Variants in XPO6 observed in about 807,000 individuals in gnomAD.
The protein encoded by XPO6 is exportin-6.
In XPO6, 3 loss-of-function variants were observed where a neutral mutation model predicts 130.0. That is an observed-to-expected ratio of 0.02 (90% CI 0.01 to 0.06). The LOEUF (loss-of-function observed/expected upper bound fraction) is 0.06, where lower values mean the gene tolerates loss of function less well. XPO6 is among the 10% of genes least tolerant of loss of function. The pLI is 1.00. For synonymous variants in XPO6, 524 were observed against 548.9 expected (o/e 0.95, Z 0.63); for missense variants, 970 against 1,393.0 (o/e 0.70, Z 4.83).
intron 1 of XPO6, among the ~76,000 whole-genome samples, chr16:28,196,951 A>T (rs2043874191): frequency 6.6e-6 from 1 of 152,128 alleles, no homozygotes; most frequent in Non-Finnish European, 1.5e-5. Context: ...TCCCTTTACA[A>T]ATTACCCAGC....
intron 1 of XPO6, among the ~76,000 whole-genome samples, chr16:28,209,820 C>T (rs2044096302): frequency 6.6e-6 from 1 of 152,086 alleles, no homozygotes; most frequent in Non-Finnish European, 1.5e-5. Flanking sequence ...TGCCACAATT[C>T]ATACTGTGTA....
Position 28,102,887 on chromosome 16 carries a change from C to T in XPO6, c.2947-942G>A, listed in dbSNP as rs139311379. 2.0e-5 allele frequency among the ~76,000 whole-genome samples: 3 copies of T among 152,228 alleles called. No individual in the cohort carries two copies. In the East Asian group the frequency reaches 5.8e-4, roughly 29 times the overall value. On this transcript the variant is annotated intron_variant, in intron 21 of 23. Coordinates refer to ENST00000304658, the MANE Select transcript of XPO6 (RefSeq NM_015171.4). ...GCCGGTGGTCTGCAGGACCCCCCTA[C>T]AAAACAAGTGGTGACTGCTTTGTCA...
chr16:28,201,641 G>A (rs192361995), intron 1 of XPO6, among the ~76,000 whole-genome samples: 116 of 152,226 alleles, frequency 7.6e-4, no homozygotes, highest in Non-Finnish European at 1.4e-3. Context: ...TGGATCACGA[G>A]GTCAGGAGAT....
chr16:28,140,902 G>A (rs1185947751), intron 9 of XPO6, among the ~76,000 whole-genome samples: 1 of 152,020 alleles, frequency 6.6e-6, no homozygotes. Context: ...AAACACACAG[G>A]TGATAAACAG....
At chr16:28,152,615 A>G in intron 8 of XPO6, 44 bp downstream of exon 8, 1 of 1,585,606 alleles carries the variant, frequency 6.3e-7, no homozygotes, top group Non-Finnish European at 8.5e-7. Flanking sequence ...TAACAAGGTA[A>G]TAAACCTTTT....
At chr16:28,190,292 T>G (rs780776219) in intron 1 of XPO6, among the ~76,000 whole-genome samples, 1 of 151,650 alleles carries the variant, frequency 6.6e-6, no homozygotes, top group Non-Finnish European at 1.5e-5. Flanking sequence ...CAATCTCAGC[T>G]CACTGCAACC....
intron 5 of XPO6, among the ~76,000 whole-genome samples, 198 bp downstream of exon 5, chr16:28,169,552 G>C (rs1053655899): frequency 6.6e-6 from 1 of 152,194 alleles, no homozygotes; most frequent in African/African-American, 2.4e-5. Flanking sequence ...AAGACTACGA[G>C]GAAAATAAGG....
rs538204166 is a variant in XPO6 at position 28,207,258 on chromosome 16, A to G, written c.3+4108T>C. Among the ~76,000 whole-genome samples, 19 of 150,548 alleles carry G rather than the reference A, an allele frequency of 1.3e-4. No individual in the cohort carries two copies. The East Asian group carries it at 3.6e-3, about 28-fold the overall frequency. On this transcript the variant is annotated intron_variant, in intron 1 of 23. Coordinates refer to ENST00000304658, the MANE Select transcript of XPO6 (RefSeq NM_015171.4). ...GCAAGATGCCATCTCAAAAAAAAAA[A>G]AGGAAAGAAAGAAAGAAAGAAAACA...
At chr16:28,198,162 T>G (rs1235245261) in intron 1 of XPO6, among the ~76,000 whole-genome samples, 1 of 151,960 alleles carries the variant, frequency 6.6e-6, no homozygotes, top group African/African-American at 2.4e-5. Flanking sequence ...TGCAAATATT[T>G]ATAAAATATT....
chr16:28,136,243 CAG>C (rs974682349), intron 9 of XPO6, among the ~76,000 whole-genome samples: 3 of 151,824 alleles, frequency 2.0e-5, no homozygotes, highest in Admixed American at 6.6e-5. Context: ...TTTTTGGAGA[CAG>C]AGTCTCCTCT....
chr16:28,173,859 G>A (rs1167931195), intron 4 of XPO6, among the ~76,000 whole-genome samples: 1 of 152,146 alleles, frequency 6.6e-6, no homozygotes, highest in Non-Finnish European at 1.5e-5. Context: ...ATGTAGCCAG[G>A]AAACGTTCTG....
chr16:28,158,982 C>A (rs1487229173), intron 6 of XPO6, among the ~76,000 whole-genome samples: 5 of 152,156 alleles, frequency 3.3e-5, no homozygotes, highest in Admixed American at 2.6e-4. Flanking sequence ...GTAATCCCAG[C>A]ATTTCGGTAG....
At chr16:28,189,613 G>GCAAA (rs57300271) in intron 1 of XPO6, among the ~76,000 whole-genome samples, 151,577 of 152,218 alleles carry the variant, frequency 1, 75,478 homozygotes, top group Middle Eastern at 1. Context: ...TTCTACTGAA[G>GCAAA]CAAACAGACA....
At chr16:28,153,925 G>A (rs1046187677) in intron 7 of XPO6, 91 of 985,232 alleles carry the variant, frequency 9.2e-5, no homozygotes, top group Non-Finnish European at 1.1e-4. Context: ...CCTGAGGGTG[G>A]CCAGCCTGCC....
intron 15 of XPO6, among the ~76,000 whole-genome samples, chr16:28,116,030 C>G (rs1418774559): frequency 6.6e-6 from 1 of 152,216 alleles, no homozygotes; most frequent in Non-Finnish European, 1.5e-5. Flanking sequence ...CTTGGTCTAT[C>G]CAAACCACTG....
At chr16:28,130,206 C>T (rs1482952609) in intron 12 of XPO6, among the ~76,000 whole-genome samples, 2 of 152,250 alleles carry the variant, frequency 1.3e-5, no homozygotes, top group East Asian at 1.9e-4. Context: ...ACACTGCAGG[C>T]CTCACTGCTG....
At chr16:28,193,512 A>G (rs936192546) in intron 1 of XPO6, among the ~76,000 whole-genome samples, 2 of 152,192 alleles carry the variant, frequency 1.3e-5, no homozygotes, top group Admixed American at 6.5e-5. Context: ...ATAAAAAACT[A>G]TATTGTAATA....
intron 1 of XPO6, among the ~76,000 whole-genome samples, chr16:28,188,852 T>A (rs75661432): frequency 0.024 from 3,589 of 152,182 alleles, 142 homozygotes; most frequent in African/African-American, 0.083. Flanking sequence ...GCTAGAAAAG[T>A]GCATCAAGGA....
At chr16:28,143,426 A>G (rs2042930503) in intron 9 of XPO6, among the ~76,000 whole-genome samples, 1 of 152,204 alleles carries the variant, frequency 6.6e-6, no homozygotes, top group African/African-American at 2.4e-5. Flanking sequence ...CCTGCAAGAG[A>G]AGTGTTAAGT....
Sources: gnomAD v4.1 joint callset for allele counts (sites outside exome capture counted in the v4.1 genomes callset) on GRCh38, gnomAD v4.1.1 for gene constraint, MANE v1.5 for transcripts, NCBI Gene and HGNC (gene_info 2026-07-23, HGNC 2026-07-21) for gene names.